YWHAG: variants seen among roughly 807,000 people sequenced by gnomAD.
YWHAG encodes tyrosine 3-monooxygenase/tryptophan 5-monooxygenase activation protein gamma, also known as 14-3-3 protein gamma.
YWHAG carries 1 observed loss-of-function variant against 23.3 expected under a neutral mutation model. The ratio of observed to expected loss-of-function variants is 0.04; its 90% CI spans 0.02 to 0.20. The LOEUF is 0.20. YWHAG is among the 10% of genes least tolerant of loss of function. The pLI is 1.00. For synonymous variants in YWHAG, 160 were observed against 144.0 expected (o/e 1.11, Z -0.80); for missense variants, 151 against 338.6 (o/e 0.45, Z 4.35).
At chr7:76,352,851 A>G (rs1803896054) in intron 1 of YWHAG, among the ~76,000 whole-genome samples, 1 of 152,068 alleles carries the variant, frequency 6.6e-6, no homozygotes, top group South Asian at 2.1e-4. Context: ...GGATTTCACC[A>G]TGTTGAGCAG....
chr7:76,354,042 G>A (rs1803912358), intron 1 of YWHAG, among the ~76,000 whole-genome samples: 1 of 129,616 alleles, frequency 7.7e-6, no homozygotes, highest in Non-Finnish European at 1.5e-5. Flanking sequence ...CTGGGTGACA[G>A]AGTGAGACCT....
intron 1 of YWHAG, among the ~76,000 whole-genome samples, chr7:76,357,902 A>G (rs905180534): frequency 2.6e-5 from 4 of 152,218 alleles, no homozygotes; most frequent in Non-Finnish European, 5.9e-5. Context: ...AAGAAACGGC[A>G]TATGTCACAC....
chr7:76,346,770 A>G (rs1803784871), intron 1 of YWHAG, among the ~76,000 whole-genome samples: 1 of 152,074 alleles, frequency 6.6e-6, no homozygotes. Flanking sequence ...GGATCTCGCC[A>G]CACCAAAAAT....
intron 1 of YWHAG, among the ~76,000 whole-genome samples, chr7:76,351,872 A>G (rs1803879787): frequency 6.6e-6 from 1 of 152,126 alleles, no homozygotes; most frequent in Non-Finnish European, 1.5e-5. Context: ...TTCATCCCCA[A>G]ACCATCCCCT....
At chr7:76,347,624 C>T (rs1254225719) in intron 1 of YWHAG, among the ~76,000 whole-genome samples, 1 of 151,994 alleles carries the variant, frequency 6.6e-6, no homozygotes, top group Non-Finnish European at 1.5e-5. Context: ...CAAATGTCTA[C>T]GAAAATATCT....
In YWHAG at chr7:76,329,604, G is replaced by A. The variant is rs373159011; in HGVS notation, c.717C>T (p.Asp239=). 1.2e-5 allele frequency: 19 copies of A among 1,610,870 alleles called. No homozygotes were observed. The highest frequency in any genetic ancestry group is 1.7e-4 in the Middle Eastern group (1 of 6,048). ...AATTGTTGCCTTCGCCGCCATCGTC[G>A]TCCTGCTGGTCGCTCGTCCAGAGCG... ...NLTLWTSDQQ[D]DDGGEGNN The change falls in exon 2 of 2, where the codon GAC becomes GAT. Residue 239 remains aspartate (D), a synonymous_variant. Transcript: ENST00000307630. The surrounding 1 kb of genome is among the most constrained non-coding windows in gnomAD (Gnocchi z 6.1).
rs180739228 is a variant in YWHAG, at chr7:76,349,061, G to A, written c.87+9661C>T. ...GTAATTTAAAAAATCTCGTCTTCCC[G>A]GCCGGGTGTGGTGGCTCATGCCTGT... On this transcript the variant is annotated intron_variant, in intron 1 of 1. Coordinates refer to ENST00000307630, the MANE Select transcript of YWHAG (RefSeq NM_012479.4). 7.3e-4 allele frequency among the ~76,000 whole-genome samples: 111 copies of A among 152,048 alleles called. 1 individual carries two copies. Among genetic ancestry groups the A allele is most frequent in the African/African-American group, 2.4e-3 (100 of 41,486 alleles).
rs1318876878 is a variant in YWHAG at position 76,330,319 on chromosome 7, T to G, written c.88-86A>C. On this transcript the variant is annotated intron_variant, in intron 1 of 1. Coordinates refer to ENST00000307630, the MANE Select transcript of YWHAG (RefSeq NM_012479.4). The stretch of plus-strand genomic sequence containing the variant: ...TCTTTGAGACACTAGAACAGAGCTC[T>G]GTTGAGTAACATGATGAACAGAAGG... The G allele has an allele frequency of 2.2e-6, 3 of 1,372,312 alleles. No homozygotes were observed. In the South Asian group the frequency reaches 4.2e-5, roughly 19 times the overall value. The allele number at this position is 1,372,312 out of a possible 1,614,324, so 85.0% of individuals were successfully genotyped here.
At chr7:76,353,792 G>A (rs1583994988) in intron 1 of YWHAG, among the ~76,000 whole-genome samples, 3 of 152,050 alleles carry the variant, frequency 2.0e-5, no homozygotes. Flanking sequence ...GACCGGGCTG[G>A]GTGTGGTGGC....
intron 1 of YWHAG, among the ~76,000 whole-genome samples, chr7:76,350,159 A>G (rs931435038): frequency 6.8e-6 from 1 of 147,096 alleles, no homozygotes; most frequent in Admixed American, 6.8e-5. Flanking sequence ...AGTCAAAGGG[A>G]AAAAAAAGGC....
At chr7:76,353,482 A>T (rs1005113523) in intron 1 of YWHAG, among the ~76,000 whole-genome samples, 5 of 152,192 alleles carry the variant, frequency 3.3e-5, no homozygotes, top group Non-Finnish European at 5.9e-5. Context: ...AAGTGCTGGG[A>T]TTACAGGCGT....
chr7:76,332,155 G>A (rs757828408), intron 1 of YWHAG, among the ~76,000 whole-genome samples: 1 of 152,168 alleles, frequency 6.6e-6, no homozygotes, highest in African/African-American at 2.4e-5. Flanking sequence ...CTCAAAAGAG[G>A]GGAAGAATAG....
In YWHAG at chr7:76,329,046, G is replaced by A. The variant is rs1803499934; in HGVS notation, c.*531C>T. 6.5e-6 allele frequency: 1 copy of A among 153,844 alleles called. No homozygotes were observed. The highest frequency in any genetic ancestry group is 6.5e-5 in the Admixed American group (1 of 15,384). 9.5% of individuals were successfully genotyped at this position (153,844 alleles called of 1,614,324 possible). On this transcript the variant is annotated 3_prime_UTR_variant, in exon 2 of 2. Coordinates refer to ENST00000307630, the MANE Select transcript of YWHAG (RefSeq NM_012479.4). This position sits in a 1 kb window ranked among gnomAD's most constrained non-coding sequence, Gnocchi z 6.1. The stretch of plus-strand genomic sequence containing the variant: ...ATCAGAGACTTCGGAAAACTGGCAA[G>A]GCCTAAACCATAAGGATGAATGAGA...
intron 1 of YWHAG, among the ~76,000 whole-genome samples, chr7:76,333,808 C>T (rs369681661): frequency 6.6e-5 from 10 of 152,228 alleles, no homozygotes; most frequent in African/African-American, 2.4e-4. Flanking sequence ...GCCAGCGTGC[C>T]GAAGGCCACA....
intron 1 of YWHAG, among the ~76,000 whole-genome samples, chr7:76,354,419 G>A (rs1357277830): frequency 6.6e-6 from 1 of 152,100 alleles, no homozygotes; most frequent in Non-Finnish European, 1.5e-5. Context: ...GCTGAGGCAG[G>A]AGAATCACTT....
chr7:76,354,321 G>A (rs1343883109), intron 1 of YWHAG, among the ~76,000 whole-genome samples: 1 of 152,014 alleles, frequency 6.6e-6, no homozygotes, highest in African/African-American at 2.4e-5. Context: ...GCTCAGCCTG[G>A]CCAACATGGT....
chr7:76,337,891 C>G (rs1305644512), intron 1 of YWHAG, among the ~76,000 whole-genome samples: 1 of 152,136 alleles, frequency 6.6e-6, no homozygotes, highest in African/African-American at 2.4e-5. Context: ...GCCATGAGTA[C>G]AAGTATTTGC....
Position 76,343,138 on chromosome 7 carries a change from AG to A in YWHAG, c.88-12906del, listed in dbSNP as rs568550596. ...GGTGACAGAGCAAGACTCCATCTCAAGAAAAAAAATTAGGTTGTTATGTGTA... is the reference window on the plus strand; with the variant it reads ...GGTGACAGAGCAAGACTCCATCTCAAAAAAAAAATTAGGTTGTTATGTGTA... On this transcript the variant is annotated intron_variant, in intron 1 of 1. Transcript: ENST00000307630. Among the ~76,000 whole-genome samples, 255 of 152,316 alleles carry A rather than the reference AG, an allele frequency of 1.7e-3. 5 individuals are homozygous for A. The highest frequency in any genetic ancestry group is 5.8e-4 in the East Asian group (3 of 5,190).
chr7:76,327,680 C>CT lies in YWHAG; in HGVS notation c.*1896dup, dbSNP rs1491427770. On this transcript the variant is annotated 3_prime_UTR_variant, in exon 2 of 2. Coordinates refer to ENST00000307630, the MANE Select transcript of YWHAG (RefSeq NM_012479.4). ...CCCCACCTACCCTGCCCCCCCCCCC[C>CT]TCCCCCCCCAAATCGTCTTCCTCCC... 2 of 92,838 alleles carry CT rather than the reference C, an allele frequency of 2.2e-5. 1 individual carries two copies. Among genetic ancestry groups the CT allele is most frequent in the African/African-American group, 9.6e-5 (2 of 20,832 alleles). 5.8% of individuals were successfully genotyped at this position (92,838 alleles called of 1,614,324 possible).
Sources: allele counts gnomAD v4.1 joint callset (sites outside exome capture counted in the v4.1 genomes callset), GRCh38; gene constraint gnomAD v4.1.1; non-coding constraint Gnocchi (gnomAD v3.1); transcripts MANE v1.5; gene names NCBI Gene and HGNC (gene_info 2026-07-23, HGNC 2026-07-21).